Variants in TTC23L observed in about 807,000 individuals in gnomAD.
TTC23L encodes the protein tetratricopeptide repeat protein 23-like.
TTC23L carries 42 observed loss-of-function variants against 48.1 expected under a neutral mutation model. That is an observed-to-expected ratio of 0.87 (90% CI 0.68 to 1.13). The LOEUF (loss-of-function observed/expected upper bound fraction) is 1.13. Ranked by LOEUF, TTC23L falls within the 50% of genes most tolerant of loss-of-function variation. TTC23L has a pLI of 0.00. For missense variants in TTC23L, 391 were observed against 421.0 expected (o/e 0.93, Z 0.62); for synonymous variants, 159 against 157.2 (o/e 1.01, Z -0.09).
At chr5:34,915,030 AGGTG>A in the TTC23L span, 6 of 853,942 alleles carry the variant, frequency 7.0e-6, no homozygotes, top group Non-Finnish European at 1.1e-5. Context: ...CTGCGCTGAG[AGGTG>A]GAAAGGGGCT....
rs1554016516 is a variant in TTC23L, at chr5:34,840,243, G to GGGC, written c.-7-420_-7-419insCGG. On this transcript the variant is annotated intron_variant, in intron 1 of 10. Transcript: ENST00000505624. ...TTAATTAGTGAAATGACCCCGGGGG[G>GGGC]GGGGGGGAAAGCAGAATTAACCAAT... Among the ~76,000 whole-genome samples, 3 of 142,920 alleles carry GGGC rather than the reference G, an allele frequency of 2.1e-5. 1 individual carries two copies. The highest frequency in any genetic ancestry group is 3.1e-5 in the Non-Finnish European group (2 of 64,926). The allele number at this position is 142,920 out of a possible 152,430, so 93.8% of individuals were successfully genotyped here.
intron 8 of TTC23L, among the ~76,000 whole-genome samples, chr5:34,878,328 C>A (rs1244131612): frequency 6.6e-6 from 1 of 151,902 alleles, no homozygotes; most frequent in African/African-American, 2.4e-5. Context: ...CAGTGAGACC[C>A]ATCTCAAAAA....
At chr5:34,900,049 TCTGA>T (rs987738216), downstream of TTC23L, among the ~76,000 whole-genome samples, 1 of 152,214 alleles carries the variant, frequency 6.6e-6, no homozygotes, top group African/African-American at 2.4e-5. Context: ...TCCTTTCAGT[TCTGA>T]CTTTTTAAAA....
intron 4 of TTC23L, 129 bp from the exon 5 acceptor site, chr5:34,862,769 T>C (rs745719569): frequency 2.8e-5 from 31 of 1,092,672 alleles, no homozygotes; most frequent in African/African-American, 6.3e-5. Flanking sequence ...CACAGCCAGA[T>C]TTAGGAACCA....
intron 9 of TTC23L, among the ~76,000 whole-genome samples, chr5:34,896,113 A>T (rs748658667): frequency 6.6e-6 from 1 of 152,176 alleles, no homozygotes; most frequent in Admixed American, 6.5e-5. Context: ...AGAAGCCTTT[A>T]GTTCCCTGCT....
chr5:34,846,639 G>A lies in TTC23L; in HGVS notation c.255+966G>A, dbSNP rs191512359. 3.9e-3 allele frequency among the ~76,000 whole-genome samples: 447 copies of A among 113,582 alleles called. 7 individuals are homozygous for A. Among genetic ancestry groups the A allele is most frequent in the Middle Eastern group, 0.015 (3 of 202 alleles). The allele number at this position is 113,582 out of a possible 152,430, so 74.5% of individuals were successfully genotyped here. A position where few individuals can be genotyped will look rare whatever the true frequency, so the allele number is the denominator to read the frequency against. ...TATACACACACATATACATATATAC[G>A]TATATATACAAATACATATATGTGT... On this transcript the variant is annotated intron_variant, in intron 3 of 10. Coordinates refer to ENST00000505624, the Ensembl canonical transcript of TTC23L.
At chr5:34,875,182 C>A (rs1761742133) in intron 8 of TTC23L, among the ~76,000 whole-genome samples, 2 of 152,092 alleles carry the variant, frequency 1.3e-5, no homozygotes, top group South Asian at 4.1e-4. Context: ...ACGTGCCTAA[C>A]AAGAGTTTCA....
chr5:34,880,049 A>G (rs1762116857), intron 8 of TTC23L, 132 bp from the exon 9 acceptor site: 13 of 1,062,806 alleles, frequency 1.2e-5, no homozygotes, highest in Non-Finnish European at 1.7e-5. Context: ...AGACTTTTAA[A>G]GAGTCCTTAT....
At chr5:34,913,435 A>C in the TTC23L span, 1 of 1,296,152 alleles carries the variant, frequency 7.7e-7, no homozygotes, top group Non-Finnish European at 1.1e-6. Flanking sequence ...CACTATGTAT[A>C]ACACTTTTAT....
chr5:34,915,712 G>A, the TTC23L span: 1 of 1,583,710 alleles, frequency 6.3e-7, no homozygotes, highest in Non-Finnish European at 8.6e-7. Flanking sequence ...CCGGAAAGGA[G>A]GCCAAGAGCG....
At chr5:34,879,296 A>T (rs1270125658) in intron 8 of TTC23L, among the ~76,000 whole-genome samples, 2 of 152,202 alleles carry the variant, frequency 1.3e-5, no homozygotes, top group East Asian at 3.9e-4. Context: ...CATGTAACAG[A>T]ATTGCACTTG....
At chr5:34,851,670 C>T (rs1759685780) in intron 4 of TTC23L, among the ~76,000 whole-genome samples, 1 of 152,192 alleles carries the variant, frequency 6.6e-6, no homozygotes, top group African/African-American at 2.4e-5. Flanking sequence ...GAAGGATCTT[C>T]CCCTAGTGGC....
At chr5:34,866,021 GT>G (rs1761028203) in intron 6 of TTC23L, among the ~76,000 whole-genome samples, 1 of 152,158 alleles carries the variant, frequency 6.6e-6, no homozygotes, top group Non-Finnish European at 1.5e-5. Flanking sequence ...GGCTTATAGA[GT>G]TTGAGAAAGC....
chr5:34,925,187 T>C, the TTC23L span: 1 of 1,518,272 alleles, frequency 6.6e-7, no homozygotes, highest in East Asian at 2.4e-5. Context: ...ATGTTTATTT[T>C]TATTTCAAAA....
chr5:34,876,996 T>A (rs1296710886), intron 8 of TTC23L, among the ~76,000 whole-genome samples: 2 of 151,832 alleles, frequency 1.3e-5, no homozygotes, highest in Admixed American at 6.6e-5. Context: ...TAAAAAAAAA[T>A]TATCAAGATT....
chr5:34,915,045 G>A, the TTC23L span: 1 of 744,776 alleles, frequency 1.3e-6, no homozygotes, highest in Non-Finnish European at 2.2e-6. Flanking sequence ...GAAAGGGGCT[G>A]GGAGGCTGAA....
At chr5:34,902,779 C>A (rs1763540286), downstream of TTC23L, among the ~76,000 whole-genome samples, 1 of 152,048 alleles carries the variant, frequency 6.6e-6, no homozygotes, top group Non-Finnish European at 1.5e-5. Context: ...CTATATATTC[C>A]ATTGCCCTTC....
At chr5:34,922,912 G>T in the TTC23L span, 1 of 1,234,758 alleles carries the variant, frequency 8.1e-7, no homozygotes, top group Admixed American at 1.9e-5. Flanking sequence ...TTTATAATGA[G>T]GTTATAGCCA....
downstream of TTC23L, chr5:34,899,542 A>T (rs562253631): frequency 6.5e-6 from 1 of 152,692 alleles, no homozygotes; most frequent in South Asian, 2.1e-4. Context: ...GACTCTGGGA[A>T]AAAAAGGTCC....
Sources: allele counts gnomAD v4.1 joint callset (sites outside exome capture counted in the v4.1 genomes callset), GRCh38; gene constraint gnomAD v4.1.1; transcripts MANE v1.5; gene names NCBI Gene and HGNC (gene_info 2026-07-23, HGNC 2026-07-21).